Variants in RBFOX1 observed in about 807,000 individuals in gnomAD.
RBFOX1 encodes RNA binding fox-1 homolog 1, also known as RNA binding protein fox-1 homolog 1.
Under a neutral mutation model 57.7 loss-of-function variants are expected in RBFOX1, and 8 were observed. The ratio of observed to expected loss-of-function variants is 0.14; its 90% confidence interval spans 0.08 to 0.25. The LOEUF is 0.25. RBFOX1 is among the 10% of genes least tolerant of loss of function. RBFOX1 has a pLI of 1.00. For missense variants in RBFOX1, 611 were observed against 548.5 expected (o/e 1.11, Z -1.14); for synonymous variants, 326 against 222.4 (o/e 1.47, Z -4.15).
At position 5,646,391 on chromosome 16, in the gene RBFOX1, G is replaced by A. The variant is rs377723941; in HGVS notation, c.318+47430G>A. Among the ~76,000 whole-genome samples, 7 of 152,000 alleles carry A rather than the reference G, an allele frequency of 4.6e-5. No homozygotes were observed. The South Asian group carries it at 1.0e-3, about 23-fold the overall frequency. ...TTGACTAAAGCAGTCCTCCTACCTCGGCCTCCTAAAGTGCTGGGATTAGAG... is the reference window on the plus strand; with the variant it reads ...TTGACTAAAGCAGTCCTCCTACCTCAGCCTCCTAAAGTGCTGGGATTAGAG... On this transcript the variant is annotated intron_variant, in intron 3 of 19. Coordinates refer to the RBFOX1 transcript ENST00000641259.
intron 3 of RBFOX1, among the ~76,000 whole-genome samples, chr16:6,899,259 G>A (rs1172585434): frequency 2.6e-5 from 4 of 152,040 alleles, no homozygotes; most frequent in African/African-American, 7.2e-5. Flanking sequence ...GCGTGCATGT[G>A]TGTATAACGT....
At chr16:6,181,427 G>A (rs1401646730) in intron 1 of RBFOX1, among the ~76,000 whole-genome samples, 2 of 152,268 alleles carry the variant, frequency 1.3e-5, no homozygotes, top group African/African-American at 4.8e-5. Context: ...TTGATTTTTA[G>A]AGTGCTGAAA....
intron 1 of RBFOX1, among the ~76,000 whole-genome samples, chr16:5,425,065 T>TTATTTATTTATCTATCTATC (rs1555514962): frequency 2.9e-4 from 20 of 68,640 alleles, no homozygotes; most frequent in African/African-American, 7.5e-4. Flanking sequence ...CCTTCCTTTC[T>TTATTTATTTATCTATCTATC]TATCTATCTA....
At chr16:6,881,513 A>G (rs929736786) in intron 3 of RBFOX1, among the ~76,000 whole-genome samples, 12 of 152,128 alleles carry the variant, frequency 7.9e-5, no homozygotes, top group Non-Finnish European at 1.3e-4. Context: ...GTGTATCTTT[A>G]CATCATCTTC....
chr16:6,687,367 A>G (rs1002476512), intron 3 of RBFOX1, among the ~76,000 whole-genome samples: 13 of 152,212 alleles, frequency 8.5e-5, no homozygotes, highest in Admixed American at 1.3e-4. Context: ...AGGTTTACCA[A>G]TATTTCAGAA....
chr16:6,354,210 A>ACACT (rs918216808), intron 2 of RBFOX1, among the ~76,000 whole-genome samples: 5 of 152,206 alleles, frequency 3.3e-5, no homozygotes, highest in African/African-American at 1.2e-4. Flanking sequence ...ACAGAGCGAG[A>ACACT]CACTGGGTCA....
chr16:7,082,574 A>G (rs1397827918), intron 4 of RBFOX1, among the ~76,000 whole-genome samples: 6 of 151,618 alleles, frequency 4.0e-5, no homozygotes. Context: ...AAAAAAAAAA[A>G]TAAAAATTAA....
chr16:6,756,941 C>G (rs1476594219), intron 3 of RBFOX1, among the ~76,000 whole-genome samples: 1 of 152,008 alleles, frequency 6.6e-6, no homozygotes, highest in Non-Finnish European at 1.5e-5. Context: ...TGCCATTGCA[C>G]TCCAGCCTGG....
intron 5 of RBFOX1, among the ~76,000 whole-genome samples, chr16:7,551,362 C>A (rs896812972): frequency 2.6e-5 from 4 of 152,132 alleles, no homozygotes; most frequent in Non-Finnish European, 5.9e-5. Context: ...ATGAGATGTA[C>A]CCTCCAGGGG....
intron 4 of RBFOX1, among the ~76,000 whole-genome samples, chr16:7,416,557 A>G (rs1292412981): frequency 6.6e-6 from 1 of 152,182 alleles, no homozygotes; most frequent in Non-Finnish European, 1.5e-5. Context: ...GGGCTAATGT[A>G]AAAGTGCAAG....
intron 4 of RBFOX1, among the ~76,000 whole-genome samples, chr16:7,177,748 T>C (rs919038503): frequency 6.6e-6 from 1 of 152,152 alleles, no homozygotes; most frequent in African/African-American, 2.4e-5. Context: ...ATTTTGCAGG[T>C]CTTTTGGTCT....
intron 3 of RBFOX1, among the ~76,000 whole-genome samples, chr16:5,841,235 C>A (rs2056615692): frequency 6.6e-6 from 1 of 152,150 alleles, no homozygotes; most frequent in African/African-American, 2.4e-5. Context: ...GAAACGGAAG[C>A]ATGAGGAGGT....
chr16:7,510,187 C>T (rs558821137), intron 4 of RBFOX1: 1 of 985,876 alleles, frequency 1.0e-6, no homozygotes, highest in African/African-American at 1.7e-5. Flanking sequence ...CCCGATCATC[C>T]ACACATTGCA....
Position 6,701,996 on chromosome 16 carries a change from A to G in RBFOX1, c.-16+47346A>G, listed in dbSNP as rs149756265. Among the ~76,000 whole-genome samples the G allele has an allele frequency of 1.5e-4, 23 of 152,264 alleles. No individual in the cohort carries two copies. In the East Asian group the frequency reaches 3.9e-3, roughly 26 times the overall value. On this transcript the variant is annotated intron_variant, in intron 3 of 15. Transcript: ENST00000550418. ...GCTCAAAAACTACCTGTTGGGTACT[A>G]TGCTTATTACCTGGGTGACAAAATA...
At chr16:7,406,613 C>T (rs1394137195) in intron 4 of RBFOX1, among the ~76,000 whole-genome samples, 1 of 152,238 alleles carries the variant, frequency 6.6e-6, no homozygotes, top group Non-Finnish European at 1.5e-5. Flanking sequence ...TGGCCTGCCT[C>T]TAAAACTCTC....
At chr16:6,215,504 A>G (rs767135438) in intron 1 of RBFOX1, among the ~76,000 whole-genome samples, 4 of 151,974 alleles carry the variant, frequency 2.6e-5, no homozygotes, top group Admixed American at 1.3e-4. Context: ...GTGCATGCCC[A>G]TATTTTTTTC....
intron 3 of RBFOX1, among the ~76,000 whole-genome samples, chr16:6,802,977 T>A (rs564242073): frequency 3.3e-5 from 5 of 152,336 alleles, no homozygotes; most frequent in African/African-American, 9.6e-5. Flanking sequence ...TTTTATTTTC[T>A]CCTTTTCTAA....
intron 3 of RBFOX1, among the ~76,000 whole-genome samples, chr16:5,756,826 A>G (rs2053414821): frequency 6.6e-6 from 1 of 152,170 alleles, no homozygotes; most frequent in African/African-American, 2.4e-5. Context: ...ACTTCTCAAT[A>G]ATACAGCTAA....
intron 4 of RBFOX1, among the ~76,000 whole-genome samples, chr16:7,202,180 A>G (rs2088710638): frequency 6.6e-6 from 1 of 152,202 alleles, no homozygotes; most frequent in African/African-American, 2.4e-5. Context: ...TTCAAAGAAC[A>G]TAAACAAATG....
Sources: gnomAD v4.1 joint callset for allele counts (sites outside exome capture counted in the v4.1 genomes callset) on GRCh38, gnomAD v4.1.1 for gene constraint, MANE v1.5 for transcripts, NCBI Gene and HGNC (gene_info 2026-07-23, HGNC 2026-07-21) for gene names.